Variants in KATNA1 observed in about 807,000 individuals in gnomAD.
KATNA1 encodes katanin p60 ATPase-containing subunit A1.
In KATNA1, 42 loss-of-function variants were observed where a neutral mutation model predicts 62.6. That is an observed-to-expected ratio of 0.67 (90% CI 0.52 to 0.87). KATNA1 has a LOEUF of 0.87. KATNA1 is among the 40% of genes least tolerant of loss of function. The probability of loss-of-function intolerance (pLI) is 0.00; values close to 1 mark genes in which losing one functional copy is unlikely to be tolerated. For synonymous variants in KATNA1, 186 were observed against 201.9 expected (o/e 0.92, Z 0.67); for missense variants, 498 against 612.5 (o/e 0.81, Z 1.97).
chr6:149,632,877 C>T lies in KATNA1; in HGVS notation c.202G>A (p.Asp68Asn). ...EINVEAKHVK[D>N]IMKTLESFKL... ...AAGCTCTCTAGTGTTTTCATGATAT[C>T]TTTAACATGTTTAGCTTCCACATTT... The change falls in exon 3 of 11, where the codon GAT (aspartate) becomes AAT (asparagine). Residue 68 changes from aspartate to asparagine, a missense_variant. By Grantham distance (23) the Asp-to-Asn change is conservative. Transcript: ENST00000367411. 1 of 1,611,140 alleles carries T rather than the reference C, an allele frequency of 6.2e-7. No individual in the cohort carries two copies. Among genetic ancestry groups the T allele is most frequent in the African/African-American group, 1.3e-5 (1 of 74,852 alleles).
At chr6:149,608,676 A>G (rs1159250473) in intron 4 of KATNA1, among the ~76,000 whole-genome samples, 1 of 152,190 alleles carries the variant, frequency 6.6e-6, no homozygotes, top group African/African-American at 2.4e-5. Flanking sequence ...TGAAATGAAC[A>G]AGAGCCCCTG....
At chr6:149,613,464 T>C (rs905319300) in intron 4 of KATNA1, among the ~76,000 whole-genome samples, 1 of 152,026 alleles carries the variant, frequency 6.6e-6, no homozygotes, top group African/African-American at 2.4e-5. Flanking sequence ...CAGAAAATAC[T>C]AAGGAATCTA....
chr6:149,640,917 C>T (rs1352888631), intron 1 of KATNA1, among the ~76,000 whole-genome samples: 3 of 151,878 alleles, frequency 2.0e-5, no homozygotes, highest in Non-Finnish European at 4.4e-5. Context: ...GTTGCCCAGG[C>T]TGGAGTGCAA....
chr6:149,633,022 C>A (rs1029100324), intron 2 of KATNA1, 106 bp from the exon 3 acceptor site: 16 of 739,398 alleles, frequency 2.2e-5, no homozygotes, highest in Admixed American at 1.4e-4. Context: ...ATTTTGATAT[C>A]AGATATCCAG....
In KATNA1 at chr6:149,604,679, T is replaced by C. The variant is rs767524484; in HGVS notation, c.605A>G (p.Gln202Arg). The change falls in exon 5 of 11, where the codon CAG (glutamine) becomes CGG (arginine). Residue 202 changes from glutamine to arginine, a missense_variant. By Grantham distance (43) the Gln-to-Arg change is conservative. Around this residue, in one of 3 missense-constraint regions of KATNA1, gnomAD observed 267 missense variants for 372.6 expected, o/e 0.72. Transcript: ENST00000367411. ...AACTTACCATCGAACATTGGGATTC[T>C]GGGAAATTATATCTCTTTCCAAAGC... ...VEALERDIIS[Q>R]NPNVRWDDIA... is the part of the protein sequence containing the mutation. 1.2e-6 allele frequency: 2 copies of C among 1,613,612 alleles called. No individual in the cohort carries two copies. Among genetic ancestry groups the C allele is most frequent in the African/African-American group, 2.7e-5 (2 of 74,916 alleles).
At chr6:149,634,552 C>T (rs1051580694) in intron 2 of KATNA1, among the ~76,000 whole-genome samples, 13 of 152,112 alleles carry the variant, frequency 8.5e-5, no homozygotes, top group African/African-American at 2.9e-4. Flanking sequence ...GTTGCCCAGG[C>T]TGTACTACAG....
At chr6:149,608,123 C>T (rs980699313) in intron 4 of KATNA1, among the ~76,000 whole-genome samples, 1 of 152,172 alleles carries the variant, frequency 6.6e-6, no homozygotes, top group Admixed American at 6.5e-5. Flanking sequence ...AAATACAAAA[C>T]CCATTACCTC....
intron 5 of KATNA1, 149 bp downstream of exon 5, chr6:149,604,512 T>A (rs1449973403): frequency 2.5e-6 from 2 of 813,160 alleles, no homozygotes; most frequent in African/African-American, 3.5e-5. Flanking sequence ...AAAATTGGAA[T>A]AGGCTGAATG....
chr6:149,598,447 G>A (rs1778410823), intron 7 of KATNA1, 97 bp from the exon 8 acceptor site: 3 of 1,221,194 alleles, frequency 2.5e-6, no homozygotes, highest in Middle Eastern at 2.4e-4. Context: ...GAGGGAGGCT[G>A]GGCACAGTGG....
At chr6:149,597,399 C>A in intron 9 of KATNA1, 108 bp downstream of exon 9, 1 of 1,354,388 alleles carries the variant, frequency 7.4e-7, no homozygotes, top group South Asian at 1.3e-5. Flanking sequence ...AAGGAAGATA[C>A]TCCTCATGTA....
chr6:149,645,983 T>A (rs1329021342), intron 1 of KATNA1, among the ~76,000 whole-genome samples: 2 of 152,144 alleles, frequency 1.3e-5, no homozygotes, highest in Non-Finnish European at 2.9e-5. Context: ...ATTCTCTCTC[T>A]AAACAACAAA....
intron 2 of KATNA1, among the ~76,000 whole-genome samples, chr6:149,635,263 C>G (rs930454305): frequency 1.3e-5 from 2 of 151,754 alleles, no homozygotes; most frequent in African/African-American, 4.8e-5. Context: ...GGGAACAGAC[C>G]GAGACTCTGC....
At chr6:149,640,525 G>C (rs1780238545) in intron 1 of KATNA1, among the ~76,000 whole-genome samples, 1 of 151,784 alleles carries the variant, frequency 6.6e-6, no homozygotes, top group Non-Finnish European at 1.5e-5. Flanking sequence ...AAGTATGGTG[G>C]GGGTTTTTTT....
At chr6:149,615,442 C>T (rs1481403356) in intron 4 of KATNA1, among the ~76,000 whole-genome samples, 1 of 151,902 alleles carries the variant, frequency 6.6e-6, no homozygotes, top group Non-Finnish European at 1.5e-5. Context: ...TGAGCTCAGG[C>T]AATCTGCCTG....
intron 4 of KATNA1, among the ~76,000 whole-genome samples, chr6:149,618,109 C>T (rs1462046719): frequency 6.8e-6 from 1 of 146,916 alleles, no homozygotes; most frequent in Non-Finnish European, 1.5e-5. Context: ...GAGCTGAGAT[C>T]GCACCACTGC....
chr6:149,647,438 G>A lies in KATNA1; in HGVS notation c.-14+1031C>T, dbSNP rs186089910. ...TCAAGGAGGCTGAGGCAGGGGAATC[G>A]CTTGAACCCGGGAGGCGGAGGTTGC... On this transcript the variant is annotated intron_variant, in intron 1 of 10. Coordinates refer to ENST00000367411, the MANE Select transcript of KATNA1 (RefSeq NM_007044.4). Among the ~76,000 whole-genome samples the A allele has an allele frequency of 5.7e-3, 827 of 145,808 alleles. 5 individuals are homozygous for A. Among genetic ancestry groups the A allele is most frequent in the African/African-American group, 0.02 (788 of 39,160 alleles).
At position 149,637,764 on chromosome 6, in the gene KATNA1, C is replaced by T. The variant is rs146208905; in HGVS notation, c.162+622G>A. On this transcript the variant is annotated intron_variant, in intron 2 of 10. Coordinates refer to ENST00000367411, the MANE Select transcript of KATNA1 (RefSeq NM_007044.4). ...GGTGAAGGTTGCAGTGAGCCGAGATCGTGCCACTGCACTCCACCCTGGATG... is the reference window on the plus strand; with the variant it reads ...GGTGAAGGTTGCAGTGAGCCGAGATTGTGCCACTGCACTCCACCCTGGATG... Among the ~76,000 whole-genome samples, 1,260 of 152,084 alleles carry T rather than the reference C, an allele frequency of 8.3e-3. 26 individuals are homozygous for T. The highest frequency in any genetic ancestry group is 0.029 in the African/African-American group (1,214 of 41,490).
rs1461536822 is a variant in KATNA1, at chr6:149,601,004, C to T, written c.888+590G>A. The stretch of plus-strand genomic sequence containing the variant: ...ACTCTATCCTAATTACATAAAACTA[C>T]TCTGTTTCTTAGAGGCAAGAGTGAC... On this transcript the variant is annotated intron_variant, in intron 7 of 10. Coordinates refer to ENST00000367411, the MANE Select transcript of KATNA1 (RefSeq NM_007044.4). Among the ~76,000 whole-genome samples the T allele has an allele frequency of 2.0e-5, 3 of 152,150 alleles. No individual in the cohort carries two copies. In the East Asian group the frequency reaches 5.8e-4, roughly 29 times the overall value.
In KATNA1 at chr6:149,610,750, GA is replaced by G. The variant is rs1250867812; in HGVS notation, c.502-5969del. Among the ~76,000 whole-genome samples, 5 of 152,146 alleles carry G rather than the reference GA, an allele frequency of 3.3e-5. No individual in the cohort carries two copies. In the South Asian group the frequency reaches 6.2e-4, roughly 19 times the overall value. ...AGCACTAAATGCATATGTTAGACAA[GA>G]AAAAAAGTCTCAGGCTGGGCATGGT... On this transcript the variant is annotated intron_variant, in intron 4 of 10. Coordinates refer to ENST00000367411, the MANE Select transcript of KATNA1 (RefSeq NM_007044.4).
Sources: gnomAD v4.1 joint callset for allele counts (sites outside exome capture counted in the v4.1 genomes callset) on GRCh38, gnomAD v4.1.1 for gene constraint, gnomAD v4.1.1 regional missense constraint, MANE v1.5 for transcripts, NCBI Gene and HGNC (gene_info 2026-07-23, HGNC 2026-07-21) for gene names.